SNX29: variants seen among roughly 807,000 people sequenced by gnomAD.
SNX29 encodes sorting nexin 29.
A neutral mutation model predicts 102.1 loss-of-function variants in SNX29; 78 were observed. The ratio of observed to expected loss-of-function variants is 0.76; its 90% CI spans 0.64 to 0.92. SNX29 has a LOEUF of 0.92. Ranked by LOEUF, SNX29 falls within the 40% of genes least tolerant of loss-of-function variation. The pLI is 0.00. For missense variants in SNX29, 1,280 were observed against 1,061.7 expected (o/e 1.21, Z -2.86); for synonymous variants, 580 against 414.5 (o/e 1.40, Z -4.85).
chr16:12,308,078 C>T (rs1429704500), intron 15 of SNX29, among the ~76,000 whole-genome samples: 1 of 152,252 alleles, frequency 6.6e-6, no homozygotes, highest in Non-Finnish European at 1.5e-5. Context: ...GCTCTGGCCT[C>T]CCAGTGTAAC....
intron 15 of SNX29, among the ~76,000 whole-genome samples, chr16:12,293,057 A>G (rs1404959900): frequency 6.6e-6 from 1 of 152,258 alleles, no homozygotes; most frequent in Non-Finnish European, 1.5e-5. Context: ...TTTAATAAGC[A>G]TGTACTATGT....
At chr16:12,461,977 A>AAT (rs1555544485) in intron 18 of SNX29, among the ~76,000 whole-genome samples, 4 of 49,624 alleles carry the variant, frequency 8.1e-5, no homozygotes, top group East Asian at 1.8e-3. Flanking sequence ...AAAAAAAAAA[A>AAT]AATATATATA....
chr16:12,571,349 C>T lies in SNX29; in HGVS notation c.*2720C>T, dbSNP rs908792302. The T allele has an allele frequency of 8.6e-6, 2 of 231,304 alleles. No homozygotes were observed. The highest frequency in any genetic ancestry group is 1.7e-5 in the Non-Finnish European group (2 of 116,946). 14.3% of individuals were successfully genotyped at this position (231,304 alleles called of 1,614,324 possible). On this transcript the variant is annotated 3_prime_UTR_variant, in exon 21 of 21. Transcript: ENST00000566228. ...CCTGGATTCAATTCTGAGGGCTAAG[C>T]CACGACCTTATCCATGAGTGGCGAA...
At chr16:12,151,572 G>C (rs1021497419) in intron 13 of SNX29, among the ~76,000 whole-genome samples, 8 of 152,096 alleles carry the variant, frequency 5.3e-5, no homozygotes, top group African/African-American at 1.9e-4. Context: ...TGTTCTGCCC[G>C]GGACTCGTAC....
At chr16:12,007,972 C>G (rs1344471849) in intron 3 of SNX29, among the ~76,000 whole-genome samples, 1 of 151,954 alleles carries the variant, frequency 6.6e-6, no homozygotes, top group Non-Finnish European at 1.5e-5. Flanking sequence ...GAGATGGAGT[C>G]TCGCTCTGTC....
chr16:12,572,377 G>T lies in SNX29; in HGVS notation c.*3748G>T, dbSNP rs542031331. The T allele has an allele frequency of 6.6e-6, 7 of 1,062,992 alleles. No individual in the cohort carries two copies. The highest frequency in any genetic ancestry group is 6.6e-5 in the African/African-American group (4 of 60,960). 65.8% of individuals were successfully genotyped at this position (1,062,992 alleles called of 1,614,324 possible). On this transcript the variant is annotated 3_prime_UTR_variant, in exon 21 of 21. Transcript: ENST00000566228. Reference sequence around the variant, plus strand: ...ACAGCAGGCTCTGCCTTCTGGAGGCGGCTTATATCCCAACAGCCTGAGGCA... The same window carrying T: ...ACAGCAGGCTCTGCCTTCTGGAGGCTGCTTATATCCCAACAGCCTGAGGCA...
intron 11 of SNX29, chr16:12,095,186 GT>G (rs767917934): frequency 6.6e-6 from 1 of 152,172 alleles, no homozygotes; most frequent in South Asian, 2.1e-4. Flanking sequence ...AATTCATTCA[GT>G]TGATATTTGT....
rs2052768176 is a variant in SNX29, at chr16:12,096,375, G to T, written c.1402+17460G>T. Among the ~76,000 whole-genome samples, 1 of 152,226 alleles carries T rather than the reference G, an allele frequency of 6.6e-6. No individual in the cohort carries two copies. Among genetic ancestry groups the T allele is most frequent in the Non-Finnish European group, 1.5e-5 (1 of 68,038 alleles). On this transcript the variant is annotated intron_variant, in intron 11 of 20. Transcript: ENST00000566228. This position sits in a 1 kb window ranked among gnomAD's most constrained non-coding sequence, Gnocchi z 4.2. ...TGTGCTGGGCGCAGTTCTAGGTGCTGAGGAGCCAGAGGTGGGGATCCAGCT... is the reference window on the plus strand; with the variant it reads ...TGTGCTGGGCGCAGTTCTAGGTGCTTAGGAGCCAGAGGTGGGGATCCAGCT...
intron 16 of SNX29, chr16:12,376,136 A>T (rs376608147): frequency 6.6e-6 from 1 of 152,012 alleles, no homozygotes; most frequent in Non-Finnish European, 1.5e-5. Context: ...AGCCACACTC[A>T]GGGGATTACC....
intron 13 of SNX29, among the ~76,000 whole-genome samples, chr16:12,142,442 G>T (rs1416085188): frequency 6.6e-6 from 1 of 152,152 alleles, no homozygotes; most frequent in African/African-American, 2.4e-5. Flanking sequence ...TGGTGTTGGG[G>T]GCTGGGGGTG....
At chr16:11,986,296 G>A (rs1204031709) in intron 1 of SNX29, among the ~76,000 whole-genome samples, 1 of 151,326 alleles carries the variant, frequency 6.6e-6, no homozygotes, top group Admixed American at 6.6e-5. Context: ...CCTCCGAGGA[G>A]GGAAACTTGC....
intron 13 of SNX29, among the ~76,000 whole-genome samples, chr16:12,152,781 G>A (rs940852373): frequency 1.3e-5 from 2 of 152,128 alleles, no homozygotes; most frequent in African/African-American, 4.8e-5. Flanking sequence ...TACATTTTCC[G>A]GGTGTTTTCT....
intron 1 of SNX29, among the ~76,000 whole-genome samples, chr16:11,986,722 T>C (rs967412690): frequency 6.6e-6 from 1 of 152,214 alleles, no homozygotes. Flanking sequence ...ATAGGATTGG[T>C]AGGCGTTTCC....
At chr16:12,540,416 G>A (rs993247024) in intron 20 of SNX29, among the ~76,000 whole-genome samples, 3 of 152,226 alleles carry the variant, frequency 2.0e-5, no homozygotes, top group African/African-American at 7.2e-5. Flanking sequence ...AAAAACTACA[G>A]ATTTATTCTC....
chr16:12,233,260 A>G (rs1223855007), intron 14 of SNX29, among the ~76,000 whole-genome samples: 7 of 152,216 alleles, frequency 4.6e-5, no homozygotes, highest in Non-Finnish European at 8.8e-5. Context: ...ATACAGCCTT[A>G]AAAAGAATGA....
At chr16:12,461,981 ATAT>A (rs1391627056) in intron 18 of SNX29, among the ~76,000 whole-genome samples, 433 of 40,200 alleles carry the variant, frequency 0.011, 7 homozygotes, top group African/African-American at 0.047. Flanking sequence ...AAAAAAAAAT[ATAT>A]ATATATATAT....
intron 16 of SNX29, among the ~76,000 whole-genome samples, chr16:12,367,850 A>C: frequency 6.6e-6 from 1 of 152,368 alleles, no homozygotes. Context: ...GCCATTTAAG[A>C]GGGGCTACTA....
chr16:12,130,052 C>T (rs893796659), intron 13 of SNX29, among the ~76,000 whole-genome samples: 3 of 150,054 alleles, frequency 2.0e-5, no homozygotes, highest in South Asian at 2.1e-4. Flanking sequence ...TGCAGTGAGC[C>T]GAAATCACAC....
At chr16:12,127,177 T>G (rs1241926959) in intron 12 of SNX29, among the ~76,000 whole-genome samples, 2 of 151,054 alleles carry the variant, frequency 1.3e-5, no homozygotes, top group Non-Finnish European at 2.9e-5. Context: ...GAGAATTGCT[T>G]GAACCCGGGA....
Sources: gnomAD v4.1 joint callset for allele counts (sites outside exome capture counted in the v4.1 genomes callset) on GRCh38, gnomAD v4.1.1 for gene constraint, Gnocchi (gnomAD v3.1) non-coding constraint, MANE v1.5 for transcripts, NCBI Gene and HGNC (gene_info 2026-07-23, HGNC 2026-07-21) for gene names.